The following TMEM232 variants were observed in gnomAD, a reference collection of about 807,000 sequenced individuals.
The protein encoded by TMEM232 is transmembrane protein 232.
A neutral mutation model predicts 78.8 loss-of-function variants in TMEM232; 80 were observed. The observed-to-expected ratio is 1.01, with a 90% CI of 0.85 to 1.22. TMEM232 has a LOEUF of 1.22. TMEM232 is among the 50% of genes most tolerant of loss of function. TMEM232 has a pLI of 0.00. For missense variants in TMEM232, 881 were observed against 742.2 expected, an observed-to-expected ratio of 1.19 and a Z score of -2.17; for synonymous variants, 297 against 254.3, an observed-to-expected ratio of 1.17 and a Z score of -1.60.
intron 12 of TMEM232, among the ~76,000 whole-genome samples, chr5:110,490,456 C>T (rs535375611): frequency 1.3e-5 from 2 of 152,170 alleles, no homozygotes; most frequent in South Asian, 4.1e-4. Flanking sequence ...TCAACCTATT[C>T]CACACAAACC....
intron 11 of TMEM232, among the ~76,000 whole-genome samples, chr5:110,529,660 C>T (rs1771143039): frequency 6.6e-6 from 1 of 151,742 alleles, no homozygotes; most frequent in African/African-American, 2.4e-5. Flanking sequence ...TGAATATGTT[C>T]TAAAATCAAA....
chr5:110,472,804 C>T (rs931459453), intron 12 of TMEM232, among the ~76,000 whole-genome samples: 2 of 151,726 alleles, frequency 1.3e-5, no homozygotes, highest in Non-Finnish European at 2.9e-5. Flanking sequence ...GCCAAACGGG[C>T]CAAAAACTCA....
intron 8 of TMEM232, among the ~76,000 whole-genome samples, chr5:110,615,593 C>A (rs1410786322): frequency 6.6e-6 from 1 of 151,916 alleles, no homozygotes; most frequent in Non-Finnish European, 1.5e-5. Context: ...TGTTCACTCT[C>A]ACCACTTTTA....
intron 10 of TMEM232, among the ~76,000 whole-genome samples, chr5:110,576,625 C>A (rs529268112): frequency 2.7e-4 from 41 of 152,206 alleles, no homozygotes; most frequent in East Asian, 2.3e-3. Context: ...AGCTACCCGA[C>A]TTCAAACTAT....
intron 12 of TMEM232, among the ~76,000 whole-genome samples, chr5:110,478,661 T>G (rs556735116): frequency 6.6e-6 from 1 of 151,918 alleles, no homozygotes; most frequent in Admixed American, 6.6e-5. Flanking sequence ...TTATGGGCAT[T>G]GATGTTGAAA....
intron 11 of TMEM232, among the ~76,000 whole-genome samples, chr5:110,535,977 A>G (rs61218848): frequency 0.019 from 2,961 of 152,274 alleles, 89 homozygotes; most frequent in African/African-American, 0.068. Context: ...GAAAAACTGA[A>G]AGTACCTGTG....
intron 10 of TMEM232, among the ~76,000 whole-genome samples, chr5:110,593,905 C>T (rs1022797173): frequency 1.3e-5 from 2 of 151,928 alleles, no homozygotes; most frequent in Non-Finnish European, 2.9e-5. Flanking sequence ...ACATTGAATG[C>T]CTGTATCAAA....
At chr5:110,681,710 A>G (rs886794540) in intron 1 of TMEM232, among the ~76,000 whole-genome samples, 5 of 152,254 alleles carry the variant, frequency 3.3e-5, no homozygotes, top group Non-Finnish European at 7.3e-5. Context: ...AGTTACAGTT[A>G]CAAGTTTAAG....
intron 1 of TMEM232, among the ~76,000 whole-genome samples, chr5:110,715,435 A>C (rs1212931862): frequency 6.6e-6 from 1 of 152,184 alleles, no homozygotes; most frequent in Non-Finnish European, 1.5e-5. Context: ...GTGGCTCACT[A>C]AACAAGACAG....
In TMEM232 at chr5:110,598,561, C is replaced by T. The variant is rs369089109; in HGVS notation, c.1276+6548G>A. ...ATGCTGCTATAAAGACATATGCACA[C>T]GTATGTTTATTGCGGCACTATTCAC... On this transcript the variant is annotated intron_variant, in intron 10 of 13. Transcript: ENST00000455884. Among the ~76,000 whole-genome samples the T allele has an allele frequency of 2.7e-4, 41 of 152,002 alleles. No homozygotes were observed. In the South Asian group the frequency reaches 4.0e-3, roughly 15 times the overall value.
At chr5:110,449,937 C>T (rs1760082883) in intron 12 of TMEM232, among the ~76,000 whole-genome samples, 1 of 152,136 alleles carries the variant, frequency 6.6e-6, no homozygotes, top group Admixed American at 6.6e-5. Flanking sequence ...TGTGTCCCCA[C>T]TCAGATCTCA....
chr5:110,503,160 C>T (rs188252728), intron 12 of TMEM232, among the ~76,000 whole-genome samples: 2 of 152,282 alleles, frequency 1.3e-5, no homozygotes, highest in East Asian at 3.9e-4. Flanking sequence ...ACTCTGACAG[C>T]TAGACTGTCT....
chr5:110,482,610 AT>A (rs1323558433), intron 12 of TMEM232, among the ~76,000 whole-genome samples: 3 of 149,174 alleles, frequency 2.0e-5, no homozygotes, highest in Non-Finnish European at 4.4e-5. Flanking sequence ...TATATATATT[AT>A]TTTTAATTAA....
At chr5:110,628,548 T>C (rs1390061139) in intron 5 of TMEM232, among the ~76,000 whole-genome samples, 2 of 152,052 alleles carry the variant, frequency 1.3e-5, no homozygotes, top group African/African-American at 2.4e-5. Flanking sequence ...TGAAAAAATA[T>C]ATAATCTGCA....
At chr5:110,561,757 A>G (rs1775773535) in intron 11 of TMEM232, among the ~76,000 whole-genome samples, 1 of 152,032 alleles carries the variant, frequency 6.6e-6, no homozygotes, top group Non-Finnish European at 1.5e-5. Context: ...CTGTGGTCAG[A>G]GTTTAGGTCA....
chr5:110,573,834 C>T (rs527387289), intron 10 of TMEM232, among the ~76,000 whole-genome samples: 68 of 152,096 alleles, frequency 4.5e-4, no homozygotes, highest in Non-Finnish European at 5.4e-4. Flanking sequence ...GGCTTTGAAC[C>T]TAGAATAGCT....
At chr5:110,644,244 A>G (rs1280717761) in intron 2 of TMEM232, among the ~76,000 whole-genome samples, 2 of 151,904 alleles carry the variant, frequency 1.3e-5, no homozygotes, top group Non-Finnish European at 2.9e-5. Flanking sequence ...GTCATCTGGG[A>G]TAACATATTT....
chr5:110,719,524 C>T (rs760822882), intron 1 of TMEM232, among the ~76,000 whole-genome samples: 7 of 151,898 alleles, frequency 4.6e-5, no homozygotes, highest in African/African-American at 9.7e-5. Flanking sequence ...CACACTTTCT[C>T]GCTTCTTTAG....
intron 11 of TMEM232, among the ~76,000 whole-genome samples, chr5:110,546,329 G>A (rs559737816): frequency 4.6e-5 from 7 of 152,104 alleles, no homozygotes; most frequent in East Asian, 1.9e-4. Context: ...TAGATAAATC[G>A]AAGTATTAAA....
Sources: allele counts gnomAD v4.1 joint callset (sites outside exome capture counted in the v4.1 genomes callset), GRCh38; gene constraint gnomAD v4.1.1; transcripts MANE v1.5; gene names NCBI Gene and HGNC (gene_info 2026-07-23, HGNC 2026-07-21).